Variants in GMDS observed in about 807,000 individuals in gnomAD.
The protein encoded by GMDS is GDP-mannose 4,6-dehydratase, also known as GDP-mannose 4,6 dehydratase.
GMDS carries 20 observed loss-of-function variants against 49.9 expected under a neutral mutation model. The ratio of observed to expected loss-of-function variants is 0.40; its 90% CI spans 0.28 to 0.58. The LOEUF (loss-of-function observed/expected upper bound fraction) is 0.58, where lower values mean the gene tolerates loss of function less well. Among genes scored for constraint, GMDS ranks in the 20% least tolerant of loss-of-function variants. The probability of loss-of-function intolerance (pLI) is 0.42; values close to 1 mark genes in which losing one functional copy is unlikely to be tolerated. For missense variants in GMDS, 362 were observed against 481.4 expected, an observed-to-expected ratio of 0.75 and a Z score of 2.32; for synonymous variants, 177 against 178.6, an observed-to-expected ratio of 0.99 and a Z score of 0.07.
Position 1,829,276 on chromosome 6 carries a change from T to C in GMDS, c.772-86690A>G, listed in dbSNP as rs750500990. 1.4e-4 allele frequency among the ~76,000 whole-genome samples: 21 copies of C among 152,246 alleles called. 1 individual carries two copies. The highest frequency in any genetic ancestry group is 2.6e-4 in the Non-Finnish European group (18 of 68,038). Reference sequence around the variant, plus strand: ...ATCTATATTTCTAAATGAATATATATGGATATAGGAAGATACGTGTGTGTA... The same window carrying C: ...ATCTATATTTCTAAATGAATATATACGGATATAGGAAGATACGTGTGTGTA... On this transcript the variant is annotated intron_variant, in intron 7 of 10. Coordinates refer to ENST00000380815, the MANE Select transcript of GMDS (RefSeq NM_001500.4).
rs569431207 is a variant in GMDS at position 1,690,543 on chromosome 6, T to A, written c.987+35873A>T. Among the ~76,000 whole-genome samples, 3 of 152,274 alleles carry A rather than the reference T, an allele frequency of 2.0e-5. No individual in the cohort carries two copies. In the South Asian group the frequency reaches 6.2e-4, roughly 32 times the overall value. ...AGACGGTTGTAGACGTGCAGTCTTA[T>A]TCCTGAGTCCCCATCAGAGTGAACA... On this transcript the variant is annotated intron_variant, in intron 9 of 10. Transcript: ENST00000380815.
At chr6:1,843,589 G>A (rs755586153) in intron 7 of GMDS, among the ~76,000 whole-genome samples, 4 of 152,050 alleles carry the variant, frequency 2.6e-5, no homozygotes, top group South Asian at 2.1e-4. Context: ...GCAACATGGC[G>A]AAACCTTATC....
chr6:1,857,309 C>A (rs1318236786), intron 7 of GMDS, among the ~76,000 whole-genome samples: 1 of 152,190 alleles, frequency 6.6e-6, no homozygotes, highest in African/African-American at 2.4e-5. Flanking sequence ...TTCCACTCAT[C>A]ATAAAGGGAA....
chr6:2,108,687 T>A (rs970777083), intron 4 of GMDS, among the ~76,000 whole-genome samples: 1 of 152,192 alleles, frequency 6.6e-6, no homozygotes, highest in African/African-American at 2.4e-5. Flanking sequence ...AGAGGTCCGA[T>A]ATAAAGTATC....
Position 2,006,560 on chromosome 6 carries a change from A to C in GMDS, c.346-45594T>G, listed in dbSNP as rs559640463. Among the ~76,000 whole-genome samples, 5 of 152,306 alleles carry C rather than the reference A, an allele frequency of 3.3e-5. No homozygotes were observed. The South Asian group carries it at 1.0e-3, about 32-fold the overall frequency. On this transcript the variant is annotated intron_variant, in intron 4 of 10. Coordinates refer to ENST00000380815, the MANE Select transcript of GMDS (RefSeq NM_001500.4). ...TGCATTTCTTAACAACTGCCACAAA[A>C]TACAATTTTTACTAATTTCTAGGAA...
intron 4 of GMDS, among the ~76,000 whole-genome samples, chr6:2,004,027 G>A (rs1581500089): frequency 6.6e-6 from 1 of 152,260 alleles, no homozygotes; most frequent in East Asian, 1.9e-4. Context: ...CTCTTCCATG[G>A]CTATGATTCA....
chr6:2,107,564 G>A (rs1774313387), intron 4 of GMDS, among the ~76,000 whole-genome samples: 1 of 152,208 alleles, frequency 6.6e-6, no homozygotes, highest in Non-Finnish European at 1.5e-5. Flanking sequence ...AAATAAAAGT[G>A]GTTACAAACT....
chr6:1,635,251 C>A lies in GMDS; in HGVS notation c.988-10711G>T, dbSNP rs1366113887. Among the ~76,000 whole-genome samples, 1 of 152,172 alleles carries A rather than the reference C, an allele frequency of 6.6e-6. No individual in the cohort carries two copies. Among genetic ancestry groups the A allele is most frequent in the Non-Finnish European group, 1.5e-5 (1 of 68,022 alleles). ...AGTCTGCTTAGCTCTGGGAAAGGGG[C>A]TCCGTTTCACATGTCCTGGCTATGC... On this transcript the variant is annotated intron_variant, in intron 9 of 10. Coordinates refer to ENST00000380815, the MANE Select transcript of GMDS (RefSeq NM_001500.4). This position sits in a 1 kb window ranked among gnomAD's most constrained non-coding sequence, Gnocchi z 4.7.
intron 9 of GMDS, among the ~76,000 whole-genome samples, chr6:1,696,874 A>G (rs774840458): frequency 3.9e-5 from 6 of 152,244 alleles, no homozygotes; most frequent in Non-Finnish European, 8.8e-5. Flanking sequence ...GTCACATGGT[A>G]AAACAACAAG....
chr6:1,759,011 C>T (rs1194199236), intron 7 of GMDS, among the ~76,000 whole-genome samples: 1 of 152,190 alleles, frequency 6.6e-6, no homozygotes, highest in African/African-American at 2.4e-5. Flanking sequence ...CAACCTCTGC[C>T]TCCCGGGTTC....
At chr6:2,099,939 A>G (rs1773829367) in intron 4 of GMDS, among the ~76,000 whole-genome samples, 1 of 152,068 alleles carries the variant, frequency 6.6e-6, no homozygotes, top group South Asian at 2.1e-4. Flanking sequence ...TAAGCACAAT[A>G]CCACTTCAAA....
chr6:1,782,766 A>C (rs911887113), intron 7 of GMDS, among the ~76,000 whole-genome samples: 1 of 152,250 alleles, frequency 6.6e-6, no homozygotes, highest in Admixed American at 6.5e-5. Flanking sequence ...CTAAATGTCC[A>C]CTGTGGGCCA....
At chr6:2,051,777 T>C (rs572532138) in intron 4 of GMDS, among the ~76,000 whole-genome samples, 1 of 152,280 alleles carries the variant, frequency 6.6e-6, no homozygotes, top group African/African-American at 2.4e-5. Flanking sequence ...GTGATAATTG[T>C]GTTGTTTAAA....
intron 7 of GMDS, among the ~76,000 whole-genome samples, chr6:1,752,206 T>C (rs1241964302): frequency 1.3e-5 from 2 of 152,040 alleles, no homozygotes; most frequent in Non-Finnish European, 2.9e-5. Flanking sequence ...CTGATGGAGC[T>C]GAAAAACACA....
intron 9 of GMDS, among the ~76,000 whole-genome samples, chr6:1,638,141 T>G (rs1435410433): frequency 1.3e-5 from 2 of 152,024 alleles, no homozygotes; most frequent in Non-Finnish European, 2.9e-5. Context: ...GGGTCCAGAT[T>G]AGATTAGAGC....
intron 4 of GMDS, among the ~76,000 whole-genome samples, chr6:2,042,167 T>C (rs991126212): frequency 2.0e-5 from 3 of 152,232 alleles, no homozygotes; most frequent in African/African-American, 7.2e-5. Context: ...GCTTGAAAGC[T>C]ACATGAACTT....
At chr6:2,006,438 A>G (rs957003838) in intron 4 of GMDS, among the ~76,000 whole-genome samples, 1 of 152,128 alleles carries the variant, frequency 6.6e-6, no homozygotes, top group Non-Finnish European at 1.5e-5. Context: ...CAGAAAAGGA[A>G]AAAGAAAGAT....
chr6:2,069,551 G>T (rs1771846780), intron 4 of GMDS, among the ~76,000 whole-genome samples: 2 of 151,928 alleles, frequency 1.3e-5, no homozygotes, highest in African/African-American at 4.8e-5. Flanking sequence ...AATCTACAAT[G>T]AACTCAAACA....
At chr6:1,656,556 G>A (rs992055586) in intron 9 of GMDS, among the ~76,000 whole-genome samples, 36 of 152,140 alleles carry the variant, frequency 2.4e-4, no homozygotes, top group African/African-American at 8.2e-4. Context: ...GAGGTCAGGA[G>A]TTCGAGACCA....
Sources: gnomAD v4.1 joint callset for allele counts (sites outside exome capture counted in the v4.1 genomes callset) on GRCh38, gnomAD v4.1.1 for gene constraint, Gnocchi (gnomAD v3.1) non-coding constraint, MANE v1.5 for transcripts, NCBI Gene and HGNC (gene_info 2026-07-23, HGNC 2026-07-21) for gene names.